PIP5K1B: variants seen among roughly 807,000 people sequenced by gnomAD.
The protein encoded by PIP5K1B is phosphatidylinositol-4-phosphate 5-kinase type 1 beta.
PIP5K1B carries 42 observed loss-of-function variants against 67.0 expected under a neutral mutation model. The observed-to-expected ratio is 0.63, with a 90% CI of 0.49 to 0.81. The LOEUF is 0.81. Ranked by LOEUF, PIP5K1B falls within the 30% of genes least tolerant of loss-of-function variation. The pLI is 0.00. For synonymous variants in PIP5K1B, 214 were observed against 231.4 expected, an observed-to-expected ratio of 0.92 and a Z score of 0.68; for missense variants, 459 against 646.3, an observed-to-expected ratio of 0.71 and a Z score of 3.14.
At chr9:68,911,874 T>C (rs1414955) in intron 8 of PIP5K1B, among the ~76,000 whole-genome samples, 145,128 of 152,204 alleles carry the variant, frequency 0.95, 69,350 homozygotes, top group East Asian at 0.99. Context: ...GGAGTGAGAC[T>C]CTGTTTCAAA....
At chr9:68,870,105 T>C (rs1223784705) in intron 5 of PIP5K1B, among the ~76,000 whole-genome samples, 1 of 152,256 alleles carries the variant, frequency 6.6e-6, no homozygotes, top group African/African-American at 2.4e-5. Flanking sequence ...AAGGATTTAT[T>C]GCATGCACTG....
intron 8 of PIP5K1B, among the ~76,000 whole-genome samples, chr9:68,902,628 T>A (rs1411780991): frequency 1.3e-5 from 2 of 152,264 alleles, no homozygotes; most frequent in Non-Finnish European, 2.9e-5. Context: ...GATAAATGCC[T>A]GAATTCAATT....
chr9:68,779,739 T>C (rs889219004), intron 2 of PIP5K1B, among the ~76,000 whole-genome samples: 8 of 152,180 alleles, frequency 5.3e-5, no homozygotes, highest in Admixed American at 2.6e-4. Flanking sequence ...TTCAGGAGAT[T>C]GTTCCTTCCT....
chr9:68,941,388 GAGA>G (rs1827554588), intron 14 of PIP5K1B, among the ~76,000 whole-genome samples: 1 of 152,188 alleles, frequency 6.6e-6, no homozygotes, highest in Admixed American at 6.5e-5. Context: ...GTGAGAATCA[GAGA>G]AGGAGACACA....
chr9:68,935,790 A>G (rs929324718), intron 13 of PIP5K1B: 1 of 152,216 alleles, frequency 6.6e-6, no homozygotes, highest in Non-Finnish European at 1.5e-5. Flanking sequence ...GGTAATACTC[A>G]GGAGGTACTA....
intron 2 of PIP5K1B, among the ~76,000 whole-genome samples, chr9:68,800,222 G>A (rs922941308): frequency 1.3e-5 from 2 of 152,194 alleles, no homozygotes; most frequent in African/African-American, 2.4e-5. Flanking sequence ...CAGTGAGTGA[G>A]GAGAAGCCTC....
intron 5 of PIP5K1B, among the ~76,000 whole-genome samples, chr9:68,872,090 G>A (rs917633167): frequency 2.6e-5 from 4 of 152,226 alleles, no homozygotes; most frequent in Middle Eastern, 3.2e-3. Context: ...GGAGGCAAAC[G>A]TTGATTGCGG....
chr9:68,829,307 T>A (rs532828701), intron 4 of PIP5K1B, among the ~76,000 whole-genome samples: 1 of 152,330 alleles, frequency 6.6e-6, no homozygotes, highest in East Asian at 1.9e-4. Flanking sequence ...TCGTTTGTGC[T>A]AAGCAGCAGT....
intron 4 of PIP5K1B, among the ~76,000 whole-genome samples, chr9:68,839,994 C>T (rs1821834136): frequency 6.6e-6 from 1 of 152,234 alleles, no homozygotes; most frequent in East Asian, 1.9e-4. Flanking sequence ...CATTTCAACC[C>T]AGTGCCAATT....
At chr9:68,989,009 C>T (rs932917476) in intron 14 of PIP5K1B, among the ~76,000 whole-genome samples, 4 of 138,654 alleles carry the variant, frequency 2.9e-5, no homozygotes, top group Non-Finnish European at 6.1e-5. Context: ...GCAGGAGAAT[C>T]GCTTGAGCCC....
At chr9:68,946,850 A>G (rs1208381487) in intron 14 of PIP5K1B, among the ~76,000 whole-genome samples, 2 of 152,164 alleles carry the variant, frequency 1.3e-5, no homozygotes, top group African/African-American at 4.8e-5. Flanking sequence ...GTGATCTAAC[A>G]TTGGGCAAGT....
chr9:68,927,104 C>T (rs4375069), intron 12 of PIP5K1B, among the ~76,000 whole-genome samples: 25,243 of 152,084 alleles, frequency 0.17, 3,519 homozygotes, highest in East Asian at 0.51. Flanking sequence ...GTAGCATGTA[C>T]CAGTAATTTA....
chr9:68,853,177 A>G (rs1365153801), intron 4 of PIP5K1B, among the ~76,000 whole-genome samples: 2 of 152,184 alleles, frequency 1.3e-5, no homozygotes, highest in Admixed American at 6.6e-5. Flanking sequence ...AGCTGGCCCA[A>G]ACCCCATGTG....
At chr9:68,786,854 G>A (rs1346179630) in intron 2 of PIP5K1B, among the ~76,000 whole-genome samples, 2 of 152,102 alleles carry the variant, frequency 1.3e-5, no homozygotes, top group African/African-American at 2.4e-5. Context: ...GCAGCTTCAC[G>A]GAGCAACCAT....
At chr9:68,981,364 T>C (rs1197958455) in intron 14 of PIP5K1B, among the ~76,000 whole-genome samples, 1 of 151,688 alleles carries the variant, frequency 6.6e-6, no homozygotes, top group African/African-American at 2.4e-5. Flanking sequence ...GATGCTACCT[T>C]AGGTTAAGAA....
At chr9:68,890,376 T>G (rs1415465056) in intron 7 of PIP5K1B, among the ~76,000 whole-genome samples, 1 of 152,236 alleles carries the variant, frequency 6.6e-6, no homozygotes, top group Non-Finnish European at 1.5e-5. Context: ...GTTCTTAATT[T>G]TCTATGATTG....
intron 2 of PIP5K1B, chr9:68,780,064 C>G: frequency 1.4e-6 from 2 of 1,418,430 alleles, no homozygotes; most frequent in East Asian, 2.6e-5. Context: ...AGCCCGCTGA[C>G]AGATTCTCGG....
chr9:68,824,445 T>C (rs980900682), intron 4 of PIP5K1B, among the ~76,000 whole-genome samples: 53 of 152,232 alleles, frequency 3.5e-4, no homozygotes, highest in African/African-American at 1.2e-3. Flanking sequence ...CAGCAATGTT[T>C]TTTAGGTTGT....
At chr9:68,945,691 G>T (rs1020102759) in intron 14 of PIP5K1B, among the ~76,000 whole-genome samples, 10 of 152,156 alleles carry the variant, frequency 6.6e-5, no homozygotes, top group African/African-American at 2.4e-4. Context: ...TATATTTACG[G>T]TCTCCATCTT....
Sources: gnomAD v4.1 joint callset for allele counts (sites outside exome capture counted in the v4.1 genomes callset) on GRCh38, gnomAD v4.1.1 for gene constraint, MANE v1.5 for transcripts, NCBI Gene and HGNC (gene_info 2026-07-23, HGNC 2026-07-21) for gene names.